Variants in LTF observed in about 807,000 individuals in gnomAD.
The protein encoded by LTF is epididymis luminal protein 110.
In LTF, 91 loss-of-function variants were observed where a neutral mutation model predicts 87.2. That is an observed-to-expected ratio of 1.04 (90% CI 0.88 to 1.24). LTF has a LOEUF of 1.24. Among genes scored for constraint, LTF ranks in the 50% most tolerant of loss-of-function variants. The probability of loss-of-function intolerance (pLI) is 0.00; values close to 1 mark genes in which losing one functional copy is unlikely to be tolerated. For missense variants in LTF, 901 were observed against 904.3 expected (o/e 1.00, Z 0.05); for synonymous variants, 378 against 356.1 (o/e 1.06, Z -0.69).
chr3:46,467,087 C>T (rs555741574), upstream of LTF, among the ~76,000 whole-genome samples: 40 of 152,254 alleles, frequency 2.6e-4, no homozygotes, highest in Admixed American at 4.6e-4. Flanking sequence ...ACAGCCCAGC[C>T]CCAGGGCAGG....
chr3:46,441,270 C>T (rs2106833588), intron 14 of LTF, 146 bp downstream of exon 14: 1 of 618,186 alleles, frequency 1.6e-6, no homozygotes, highest in South Asian at 2.2e-5. Context: ...ATCATGTTGT[C>T]TATTGAGATA....
At chr3:46,474,270 A>G (rs1207961248) in intron 1 of LTF, among the ~76,000 whole-genome samples, 1 of 152,238 alleles carries the variant, frequency 6.6e-6, no homozygotes, top group African/African-American at 2.4e-5. Flanking sequence ...AGAAAAACAT[A>G]AACCATGCAA....
intron 13 of LTF, among the ~76,000 whole-genome samples, chr3:46,442,133 A>T (rs1356700224): frequency 6.6e-6 from 1 of 152,124 alleles, no homozygotes; most frequent in Non-Finnish European, 1.5e-5. Context: ...CAATAAGGGA[A>T]ATATAATATG....
intron 1 of LTF, chr3:46,463,650 A>G: frequency 1.0e-6 from 1 of 985,492 alleles, no homozygotes; most frequent in Non-Finnish European, 1.2e-6. Flanking sequence ...CAGTGGTGCA[A>G]CTCTGAGCCA....
intron 8 of LTF, 97 bp from the exon 9 acceptor site, chr3:46,449,114 A>G: frequency 8.9e-7 from 1 of 1,125,172 alleles, no homozygotes; most frequent in Non-Finnish European, 1.2e-6. Context: ...TCTCCCTGGA[A>G]CAGGAGCTAC....
intron 14 of LTF, among the ~76,000 whole-genome samples, chr3:46,440,102 G>A (rs1255106061): frequency 6.6e-6 from 1 of 152,210 alleles, no homozygotes; most frequent in Non-Finnish European, 1.5e-5. Flanking sequence ...GTTGATGGCT[G>A]CACAACTCTG....
In LTF at chr3:46,438,056, A is replaced by G; in HGVS notation, c.1982T>C (p.Leu661Pro). Residue 661 changes from leucine (L) to proline (P), a missense_variant, in exon 16 of 17, where the codon CTG becomes CCG. Coordinates refer to ENST00000231751, the MANE Select transcript of LTF (RefSeq NM_002343.6). ...CAGACACTCAGTGTTGTCATTGAAC[A>G]GAAGGTTTTTGGTTTCAGACTGGAA... ...CLFQSETKNL[L>P]FNDNTECLAR... The G allele has an allele frequency of 1.2e-6, 2 of 1,614,152 alleles. No individual in the cohort carries two copies. Among genetic ancestry groups the G allele is most frequent in the Non-Finnish European group, 1.7e-6 (2 of 1,180,002 alleles).
chr3:46,471,684 C>T (rs568575204), intron 1 of LTF, among the ~76,000 whole-genome samples: 14 of 152,338 alleles, frequency 9.2e-5, no homozygotes, highest in South Asian at 2.1e-4. Context: ...GTAGCACCTA[C>T]CTGTGTGTGT....
At chr3:46,475,959 G>A (rs1383877774) in intron 1 of LTF, among the ~76,000 whole-genome samples, 1 of 152,142 alleles carries the variant, frequency 6.6e-6, no homozygotes, top group Admixed American at 6.5e-5. Context: ...GTATTCTTTT[G>A]TATTTGATTT....
Position 46,446,473 on chromosome 3 carries a change from G to C in LTF, c.1324C>G (p.Pro442Ala). Residue 442 changes from proline to alanine, a missense_variant, in exon 11 of 17, where the codon CCT becomes GCT. Physicochemically the swap from Pro to Ala is conservative, Grantham distance 27. Coordinates refer to ENST00000231751, the MANE Select transcript of LTF (RefSeq NM_002343.6). The stretch of plus-strand genomic sequence containing the variant: ...GGTCTATCCACACAGTTAGGATCAG[G>C]GTCACTGCTTTGTTGGGATTCTGAA... ...ENYKSQQSSD[P>A]DPNCVDRPVE... 1.2e-6 allele frequency: 2 copies of C among 1,613,800 alleles called. No individual in the cohort carries two copies. The highest frequency in any genetic ancestry group is 1.7e-6 in the Non-Finnish European group (2 of 1,179,866).
chr3:46,481,946 A>G (rs1035149101), intron 1 of LTF, among the ~76,000 whole-genome samples: 2 of 152,270 alleles, frequency 1.3e-5, no homozygotes, highest in African/African-American at 4.8e-5. Context: ...TTGAAAAAAT[A>G]AAAACTATTG....
At chr3:46,443,307 C>T (rs1441211694) in intron 13 of LTF, 134 bp downstream of exon 13, 3 of 1,081,892 alleles carry the variant, frequency 2.8e-6, no homozygotes, top group Non-Finnish European at 4.1e-6. Context: ...TCACTGGGGC[C>T]ACCCATGAGC....
upstream of LTF, chr3:46,468,192 G>A (rs1703239203): frequency 2.2e-6 from 1 of 456,732 alleles, no homozygotes; most frequent in Admixed American, 2.3e-5. Flanking sequence ...GGATAGTGAG[G>A]GTCAGGGCTG....
chr3:46,475,240 G>T (rs1703345142), intron 1 of LTF, among the ~76,000 whole-genome samples: 1 of 152,050 alleles, frequency 6.6e-6, no homozygotes, highest in South Asian at 2.1e-4. Flanking sequence ...ATATGAAACA[G>T]ATCATCTGAA....
At chr3:46,477,430 G>C (rs935776389) in intron 1 of LTF, among the ~76,000 whole-genome samples, 1 of 152,150 alleles carries the variant, frequency 6.6e-6, no homozygotes, top group Non-Finnish European at 1.5e-5. Context: ...TGATTCACTG[G>C]GTAGTCTGGT....
chr3:46,472,488 T>TTGTGTGTGTGTGTGTGTGTGTG (rs34825595), intron 1 of LTF, among the ~76,000 whole-genome samples: 1 of 106,890 alleles, frequency 9.4e-6, no homozygotes, highest in Non-Finnish European at 1.9e-5. Flanking sequence ...GAAAAGATTA[T>TTGTGTGTGTGTGTGTGTGTGTG]TGTGTGTGTG....
chr3:46,459,016 G>C (rs941085520), intron 2 of LTF, among the ~76,000 whole-genome samples: 1 of 152,220 alleles, frequency 6.6e-6, no homozygotes, highest in African/African-American at 2.4e-5. Flanking sequence ...GAACTTTTAT[G>C]CAAATTATTC....
intron 1 of LTF, among the ~76,000 whole-genome samples, chr3:46,473,185 G>A (rs930821338): frequency 6.6e-6 from 1 of 152,074 alleles, no homozygotes; most frequent in Non-Finnish European, 1.5e-5. Context: ...GAATCACAGA[G>A]CTAACCATGG....
In LTF at chr3:46,450,426, G is replaced by A; in HGVS notation, c.882+69C>T. ...AGGACTTCTGGAGTGGCAGAAGTCA[G>A]GGAAGTAAGAAACCTTGCTCCCTGC... On this transcript the variant is annotated intron_variant, in intron 7 of 16. Coordinates refer to ENST00000231751, the MANE Select transcript of LTF (RefSeq NM_002343.6). 6.0e-6 allele frequency: 9 copies of A among 1,511,364 alleles called. No homozygotes were observed. The South Asian group carries it at 9.6e-5, about 16-fold the overall frequency. 93.6% of individuals were successfully genotyped at this position (1,511,364 alleles called of 1,614,324 possible). A position where few individuals can be genotyped will look rare whatever the true frequency, so the allele number is the denominator to read the frequency against.
Sources: gnomAD v4.1 joint callset for allele counts (sites outside exome capture counted in the v4.1 genomes callset) on GRCh38, gnomAD v4.1.1 for gene constraint, MANE v1.5 for transcripts, NCBI Gene and HGNC (gene_info 2026-07-23, HGNC 2026-07-21) for gene names.